The following MICU1 variants were observed in gnomAD, a reference collection of about 807,000 sequenced individuals.
MICU1 encodes mitochondrial calcium uptake 1, also known as calcium uptake protein 1, mitochondrial.
MICU1 carries 45 observed loss-of-function variants against 56.8 expected under a neutral mutation model. The ratio of observed to expected loss-of-function variants is 0.79; its 90% CI spans 0.62 to 1.02. The LOEUF is 1.02. Ranked by LOEUF, MICU1 falls within the 50% of genes least tolerant of loss-of-function variation. MICU1 has a pLI of 0.00. For missense variants in MICU1, 504 were observed against 587.1 expected (o/e 0.86, Z 1.46); for synonymous variants, 186 against 195.1 (o/e 0.95, Z 0.39).
chr10:72,438,863 C>A (rs1445265406), intron 8 of MICU1, among the ~76,000 whole-genome samples: 1 of 152,198 alleles, frequency 6.6e-6, no homozygotes, highest in Non-Finnish European at 1.5e-5. Flanking sequence ...GAAGTTGAAT[C>A]TCTGAATAGA....
intron 1 of MICU1, chr10:72,583,042 C>A (rs1032246021): frequency 1.3e-5 from 2 of 151,590 alleles, no homozygotes; most frequent in African/African-American, 2.4e-5. Context: ...GGCCTGTGAA[C>A]AGCACTGCAG....
intron 5 of MICU1, among the ~76,000 whole-genome samples, chr10:72,519,852 A>T (rs946623272): frequency 2.0e-5 from 3 of 152,216 alleles, no homozygotes; most frequent in African/African-American, 7.2e-5. Context: ...AAAGAAGTTG[A>T]TGGACTATGT....
In MICU1 at chr10:72,530,101, G is replaced by A. The variant is rs1839433317; in HGVS notation, c.537+3645C>T. On this transcript the variant is annotated intron_variant, in intron 5 of 11. Transcript: ENST00000361114. The stretch of plus-strand genomic sequence containing the variant: ...GCAACACTTCGGGAGGCCAAGGTGG[G>A]CAGATTACCTGAGGTCAGGAGTTCA... Among the ~76,000 whole-genome samples, 3 of 151,214 alleles carry A rather than the reference G, an allele frequency of 2.0e-5. No individual in the cohort carries two copies. In the South Asian group the frequency reaches 6.2e-4, roughly 31 times the overall value.
chr10:72,611,457 C>T (rs1482705171), intron 1 of MICU1, among the ~76,000 whole-genome samples: 1 of 151,708 alleles, frequency 6.6e-6, no homozygotes, highest in East Asian at 1.9e-4. Context: ...ACTAAAAATA[C>T]AAAAATTACA....
chr10:72,472,571 G>GA (rs973184436), intron 8 of MICU1, among the ~76,000 whole-genome samples: 20 of 148,630 alleles, frequency 1.3e-4, no homozygotes, highest in African/African-American at 3.0e-4. Context: ...TAAAGGTATT[G>GA]AAAAAAAAAT....
At chr10:72,562,447 C>T (rs553183143) in intron 3 of MICU1, among the ~76,000 whole-genome samples, 30 of 152,222 alleles carry the variant, frequency 2.0e-4, no homozygotes, top group African/African-American at 5.8e-4. Flanking sequence ...AGCCACCATG[C>T]GGGGCCTAAT....
chr10:72,438,725 C>T (rs962623196), intron 8 of MICU1, among the ~76,000 whole-genome samples: 3 of 152,082 alleles, frequency 2.0e-5, no homozygotes, highest in Admixed American at 6.6e-5. Context: ...GAGATCACCA[C>T]CAATCCCACA....
At chr10:72,487,455 T>C (rs977670074) in intron 6 of MICU1, among the ~76,000 whole-genome samples, 1 of 152,120 alleles carries the variant, frequency 6.6e-6, no homozygotes, top group African/African-American at 2.4e-5. Context: ...AGATGAAACA[T>C]GGCTTTACCA....
chr10:72,438,433 A>G (rs182055982), intron 8 of MICU1, among the ~76,000 whole-genome samples: 3 of 152,254 alleles, frequency 2.0e-5, no homozygotes, highest in Admixed American at 1.3e-4. Context: ...CTAAATGCCC[A>G]CAAGAGAAAG....
intron 8 of MICU1, among the ~76,000 whole-genome samples, chr10:72,443,294 C>A (rs541987075): frequency 3.3e-5 from 5 of 151,992 alleles, no homozygotes; most frequent in African/African-American, 7.2e-5. Context: ...GAGTAGGTTG[C>A]GAAAATTTTC....
At chr10:72,593,733 A>G (rs1282999657) in intron 1 of MICU1, among the ~76,000 whole-genome samples, 3 of 152,202 alleles carry the variant, frequency 2.0e-5, no homozygotes, top group Non-Finnish European at 2.9e-5. Flanking sequence ...CACTAGTGAT[A>G]AACAATTGGA....
At chr10:72,407,139 G>A (rs1192557441) in intron 10 of MICU1, among the ~76,000 whole-genome samples, 1 of 152,178 alleles carries the variant, frequency 6.6e-6, no homozygotes, top group African/African-American at 2.4e-5. Flanking sequence ...CAAAAACTGT[G>A]AAGGGGACTG....
intron 5 of MICU1, among the ~76,000 whole-genome samples, chr10:72,515,065 T>C (rs965307486): frequency 2.6e-5 from 4 of 152,282 alleles, no homozygotes; most frequent in South Asian, 2.1e-4. Flanking sequence ...ACCAGACAGG[T>C]TGATGCCCAC....
intron 2 of MICU1, among the ~76,000 whole-genome samples, chr10:72,564,356 C>T (rs763407600): frequency 6.6e-6 from 1 of 151,930 alleles, no homozygotes; most frequent in Non-Finnish European, 1.5e-5. Flanking sequence ...GCCTAGCCAA[C>T]ATGGCAAAAA....
At chr10:72,374,761 G>A (rs74145764) in intron 11 of MICU1, among the ~76,000 whole-genome samples, 3,419 of 151,090 alleles carry the variant, frequency 0.023, 124 homozygotes, top group East Asian at 0.1. Context: ...AAACAGAGGG[G>A]GCAGTACAGT....
At chr10:72,623,193 C>T (rs1842145463) in intron 1 of MICU1, among the ~76,000 whole-genome samples, 1 of 151,248 alleles carries the variant, frequency 6.6e-6, no homozygotes, top group East Asian at 1.9e-4. Flanking sequence ...ATCACTTGAA[C>T]CCCGGAGGCA....
intron 1 of MICU1, among the ~76,000 whole-genome samples, chr10:72,595,978 T>A (rs1478400160): frequency 1.7e-4 from 4 of 23,812 alleles, no homozygotes; most frequent in Non-Finnish European, 4.3e-4. Context: ...AATAAAAAAA[T>A]TTTTTTCTTT....
intron 11 of MICU1, among the ~76,000 whole-genome samples, chr10:72,369,879 T>C (rs1303435845): frequency 6.6e-6 from 1 of 151,744 alleles, no homozygotes; most frequent in Non-Finnish European, 1.5e-5. Flanking sequence ...CGGCTAATTT[T>C]TGTACATATA....
chr10:72,395,130 G>C (rs1304466367), intron 10 of MICU1, among the ~76,000 whole-genome samples: 1 of 152,150 alleles, frequency 6.6e-6, no homozygotes, highest in South Asian at 2.1e-4. Context: ...AGTGAGCCAA[G>C]ATCATACCAC....
Sources: allele counts gnomAD v4.1 joint callset (sites outside exome capture counted in the v4.1 genomes callset), GRCh38; gene constraint gnomAD v4.1.1; transcripts MANE v1.5; gene names NCBI Gene and HGNC (gene_info 2026-07-23, HGNC 2026-07-21).